The following THADA variants were observed in gnomAD, a reference collection of about 807,000 sequenced individuals.
The protein encoded by THADA is THADA armadillo repeat containing, also known as tRNA (32-2'-O)-methyltransferase regulator THADA.
In THADA, 213 loss-of-function variants were observed where a neutral mutation model predicts 219.8. The ratio of observed to expected loss-of-function variants is 0.97; its 90% CI spans 0.87 to 1.09. The LOEUF is 1.09. Among genes scored for constraint, THADA ranks in the 50% least tolerant of loss-of-function variants. The pLI, the probability that THADA is intolerant of heterozygous loss-of-function variation, is 0.00. For missense variants in THADA, 2,956 were observed against 2,311.3 expected (o/e 1.28, Z -5.72); for synonymous variants, 1,018 against 828.9 (o/e 1.23, Z -3.92).
At chr2:43,337,651 G>A (rs1666612115) in intron 30 of THADA, among the ~76,000 whole-genome samples, 2 of 151,248 alleles carry the variant, frequency 1.3e-5, no homozygotes, top group Non-Finnish European at 2.9e-5. Flanking sequence ...TTCCACTTCT[G>A]GAAATCAAAC....
intron 28 of THADA, among the ~76,000 whole-genome samples, chr2:43,406,681 C>A (rs538772107): frequency 4.6e-5 from 7 of 152,166 alleles, no homozygotes; most frequent in Non-Finnish European, 1.0e-4. Flanking sequence ...CTTTCCTAAG[C>A]AAGTAAAAAT....
At chr2:43,251,375 A>C (rs1477255234) in intron 36 of THADA, among the ~76,000 whole-genome samples, 1 of 152,162 alleles carries the variant, frequency 6.6e-6, no homozygotes, top group Non-Finnish European at 1.5e-5. Context: ...ATGTGGAAAA[A>C]ATGTCCAAAT....
rs188957908 is a variant in THADA at position 43,527,710 on chromosome 2, T to C, written c.3374+169A>G. On this transcript the variant is annotated intron_variant, in intron 22 of 37. Transcript: ENST00000405975. Reference sequence around the variant, plus strand: ...AGTTTGGACGTTTCAATCAGTTATCTGCAGTAAATCATACAATGAAACCTA... The same window carrying C: ...AGTTTGGACGTTTCAATCAGTTATCCGCAGTAAATCATACAATGAAACCTA... 3.2e-3 allele frequency among the ~76,000 whole-genome samples: 493 copies of C among 152,336 alleles called. 3 individuals are homozygous for C. The highest frequency in any genetic ancestry group is 0.011 in the African/African-American group (475 of 41,592).
At chr2:43,559,457 A>C (rs988355796) in intron 16 of THADA, among the ~76,000 whole-genome samples, 29 of 152,176 alleles carry the variant, frequency 1.9e-4, no homozygotes, top group Admixed American at 1.3e-4. Flanking sequence ...CACAGCCTAG[A>C]CCATGGCTCA....
chr2:43,362,780 A>G (rs1016119993), intron 29 of THADA, among the ~76,000 whole-genome samples: 3 of 152,256 alleles, frequency 2.0e-5, no homozygotes, highest in Non-Finnish European at 4.4e-5. Context: ...TTTGTTTTGT[A>G]ATAACACAGC....
At chr2:43,565,899 T>G (rs1275293648) in intron 15 of THADA, 1 of 152,310 alleles carries the variant, frequency 6.6e-6, no homozygotes, top group African/African-American at 2.4e-5. Flanking sequence ...CATCCTGACT[T>G]AACATGGTGA....
intron 31 of THADA, among the ~76,000 whole-genome samples, chr2:43,320,164 T>C (rs559687187): frequency 1.3e-5 from 2 of 152,110 alleles, no homozygotes; most frequent in South Asian, 2.1e-4. Context: ...ATACATAAAA[T>C]AGAAAAAAGC....
intron 29 of THADA, among the ~76,000 whole-genome samples, chr2:43,362,451 T>C (rs960661557): frequency 8.5e-5 from 13 of 152,168 alleles, no homozygotes; most frequent in African/African-American, 3.1e-4. Flanking sequence ...TATAACACAA[T>C]GGTAAGTATT....
At chr2:43,430,744 G>T (rs1679138463) in intron 26 of THADA, 2 of 441,436 alleles carry the variant, frequency 4.5e-6, no homozygotes, top group Admixed American at 2.4e-5. Context: ...TTTGTTTCAG[G>T]GGACTGTCCT....
chr2:43,277,331 T>G (rs1213289329), intron 36 of THADA: 1 of 152,900 alleles, frequency 6.5e-6, no homozygotes, highest in Non-Finnish European at 1.5e-5. Context: ...CCTGAGCCTG[T>G]GTTCTGACCA....
intron 30 of THADA, among the ~76,000 whole-genome samples, chr2:43,320,978 T>C (rs1457073334): frequency 6.6e-6 from 1 of 152,148 alleles, no homozygotes; most frequent in Non-Finnish European, 1.5e-5. Context: ...TACACTCACA[T>C]ATGAAAAGCT....
intron 29 of THADA, among the ~76,000 whole-genome samples, chr2:43,395,167 A>G (rs1461728632): frequency 6.6e-6 from 1 of 152,234 alleles, no homozygotes; most frequent in East Asian, 1.9e-4. Context: ...CTACTTGGAT[A>G]AAGTTCAGCC....
intron 16 of THADA, among the ~76,000 whole-genome samples, 200 bp from the exon 17 acceptor site, chr2:43,556,755 T>C (rs142478247): frequency 5.7e-4 from 87 of 151,778 alleles, no homozygotes; most frequent in African/African-American, 2.1e-3. Context: ...TGAGACCCCA[T>C]CTCAAAAAAA....
At chr2:43,401,628 C>T (rs1162365181) in intron 28 of THADA, among the ~76,000 whole-genome samples, 1 of 152,200 alleles carries the variant, frequency 6.6e-6, no homozygotes, top group Non-Finnish European at 1.5e-5. Context: ...AATTGTACAG[C>T]ACTTGACAGT....
chr2:43,458,956 A>T (rs1185931471), intron 26 of THADA, among the ~76,000 whole-genome samples: 1 of 152,096 alleles, frequency 6.6e-6, no homozygotes, highest in Admixed American at 6.6e-5. Flanking sequence ...TAAAAAAAAA[A>T]TTTTGCTGGT....
chr2:43,590,796 A>G (rs761308098), intron 4 of THADA, 28 bp downstream of exon 4: 4 of 1,604,636 alleles, frequency 2.5e-6, no homozygotes, highest in Non-Finnish European at 2.5e-6. Flanking sequence ...CATTTATAAC[A>G]CCCAACTTCC....
At chr2:43,355,344 C>A (rs764293525) in intron 29 of THADA, among the ~76,000 whole-genome samples, 21 of 152,180 alleles carry the variant, frequency 1.4e-4, no homozygotes, top group Non-Finnish European at 2.8e-4. Context: ...AATTTACATT[C>A]CCACCAACAG....
At position 43,528,035 on chromosome 2, in the gene THADA, G is replaced by A. The variant is rs373762874; in HGVS notation, c.3265-47C>T. On this transcript the variant is annotated intron_variant, in intron 21 of 37. Coordinates refer to ENST00000405975, the MANE Select transcript of THADA (RefSeq NM_022065.5). The stretch of plus-strand genomic sequence containing the variant: ...AAATGTCCGATTTATGTTTACATTC[G>A]CAAGTGTATTTATATCAGTAACACT... The A allele has an allele frequency of 4.9e-5, 69 of 1,421,394 alleles. No individual in the cohort carries two copies. In the African/African-American group the frequency reaches 5.5e-4, roughly 11 times the overall value. 88.0% of individuals were successfully genotyped at this position (1,421,394 alleles called of 1,614,324 possible). A position where few individuals can be genotyped will look rare whatever the true frequency, so the allele number is the denominator to read the frequency against.
intron 26 of THADA, among the ~76,000 whole-genome samples, chr2:43,446,751 T>C (rs17406625): frequency 0.22 from 34,076 of 152,230 alleles, 4,083 homozygotes; most frequent in Non-Finnish European, 0.28. Context: ...TTAGACTCTG[T>C]GGAAAAGGTA....
Sources: allele counts gnomAD v4.1 joint callset (sites outside exome capture counted in the v4.1 genomes callset), GRCh38; gene constraint gnomAD v4.1.1; transcripts MANE v1.5; gene names NCBI Gene and HGNC (gene_info 2026-07-23, HGNC 2026-07-21).